Variants in LRRTM3 observed in about 807,000 individuals in gnomAD.
LRRTM3 encodes leucine rich repeat transmembrane neuronal 3.
LRRTM3 carries 24 observed loss-of-function variants against 44.7 expected under a neutral mutation model. That is an observed-to-expected ratio of 0.54 (90% CI 0.39 to 0.76). The LOEUF is 0.76. Among genes scored for constraint, LRRTM3 ranks in the 30% least tolerant of loss-of-function variants. The pLI, the probability that LRRTM3 is intolerant of heterozygous loss-of-function variation, is 0.00. For synonymous variants in LRRTM3, 277 were observed against 278.7 expected (o/e 0.99, Z 0.06); for missense variants, 587 against 702.2 (o/e 0.84, Z 1.85).
chr10:67,079,475 G>T (rs529059706), intron 2 of LRRTM3, among the ~76,000 whole-genome samples: 7 of 152,122 alleles, frequency 4.6e-5, no homozygotes, highest in Non-Finnish European at 1.0e-4. Context: ...AATATCTCCC[G>T]AGGATCAGAG....
intron 2 of LRRTM3, among the ~76,000 whole-genome samples, chr10:67,014,599 TC>T (rs1852542573): frequency 6.6e-6 from 1 of 152,140 alleles, no homozygotes; most frequent in Non-Finnish European, 1.5e-5. Flanking sequence ...CCAAAGACTT[TC>T]TTTAGTAGCT....
intron 2 of LRRTM3, among the ~76,000 whole-genome samples, chr10:66,940,832 C>T (rs550063569): frequency 6.6e-6 from 1 of 152,150 alleles, no homozygotes; most frequent in South Asian, 2.1e-4. Flanking sequence ...CAACTGTACC[C>T]AAGTGCAGAT....
At chr10:66,969,327 C>T (rs1369025233) in intron 2 of LRRTM3, among the ~76,000 whole-genome samples, 3 of 152,050 alleles carry the variant, frequency 2.0e-5, no homozygotes, top group Non-Finnish European at 4.4e-5. Flanking sequence ...ATTTCCATGT[C>T]ATTAAAACTT....
chr10:67,011,163 A>G (rs1852306315), intron 2 of LRRTM3, among the ~76,000 whole-genome samples: 2 of 152,016 alleles, frequency 1.3e-5, no homozygotes, highest in African/African-American at 2.4e-5. Context: ...CCCCGTCTCT[A>G]CTAAAAATAC....
Position 67,000,509 on chromosome 10 carries a change from G to C in LRRTM3, c.1536+72057G>C, listed in dbSNP as rs546937861. ...GGTCTTCCACTTAATTGGGCTTAAGGCCAGTTCAGTAATCACAAAATTACA... is the reference window on the plus strand; with the variant it reads ...GGTCTTCCACTTAATTGGGCTTAAGCCCAGTTCAGTAATCACAAAATTACA... On this transcript the variant is annotated intron_variant, in intron 2 of 2. Coordinates refer to ENST00000361320, the MANE Select transcript of LRRTM3 (RefSeq NM_178011.5). 4.6e-5 allele frequency among the ~76,000 whole-genome samples: 7 copies of C among 152,234 alleles called. No homozygotes were observed. In the South Asian group the frequency reaches 1.5e-3, roughly 32 times the overall value.
At chr10:67,039,642 A>C (rs1854274579) in intron 2 of LRRTM3, among the ~76,000 whole-genome samples, 1 of 152,078 alleles carries the variant, frequency 6.6e-6, no homozygotes, top group African/African-American at 2.4e-5. Flanking sequence ...TAGTAAAGGG[A>C]CCAGAAAAAT....
intron 2 of LRRTM3, among the ~76,000 whole-genome samples, chr10:66,978,688 T>A (rs1850226513): frequency 6.7e-6 from 1 of 149,294 alleles, no homozygotes; most frequent in Non-Finnish European, 1.5e-5. Context: ...CAAATAAAAA[T>A]TAGCAATTCA....
At chr10:67,005,986 T>G (rs1851963938) in intron 2 of LRRTM3, among the ~76,000 whole-genome samples, 1 of 152,020 alleles carries the variant, frequency 6.6e-6, no homozygotes, top group African/African-American at 2.4e-5. Flanking sequence ...GCACCCAACC[T>G]ACTCCATGAT....
At chr10:67,052,128 C>T (rs1046905257) in intron 2 of LRRTM3, among the ~76,000 whole-genome samples, 1 of 152,138 alleles carries the variant, frequency 6.6e-6, no homozygotes, top group African/African-American at 2.4e-5. Flanking sequence ...AAAGAAACCA[C>T]CTTACCTAGT....
At chr10:67,075,906 A>C (rs1856723454) in intron 2 of LRRTM3, among the ~76,000 whole-genome samples, 1 of 152,246 alleles carries the variant, frequency 6.6e-6, no homozygotes. Flanking sequence ...TGGAGCATGG[A>C]AAGAATCCAG....
chr10:66,957,251 C>A (rs376620599), intron 2 of LRRTM3, among the ~76,000 whole-genome samples: 1 of 151,684 alleles, frequency 6.6e-6, no homozygotes, highest in Non-Finnish European at 1.5e-5. Flanking sequence ...GAGATGTAAT[C>A]TTTTATTATC....
In LRRTM3 at chr10:67,069,685, G is replaced by T. The variant is rs575556388; in HGVS notation, c.1537-27902G>T. On this transcript the variant is annotated intron_variant, in intron 2 of 2. Coordinates refer to ENST00000361320, the MANE Select transcript of LRRTM3 (RefSeq NM_178011.5). ...AGTAGAATCACTCAGTATATACTCT[G>T]TTGTGTCTGAATGTTGTGTCTCACT... Among the ~76,000 whole-genome samples, 222 of 151,592 alleles carry T rather than the reference G, an allele frequency of 1.5e-3. 1 individual carries two copies. Among genetic ancestry groups the T allele is most frequent in the African/African-American group, 5.2e-3 (213 of 41,254 alleles).
chr10:66,934,881 A>G (rs1847605988), intron 2 of LRRTM3, among the ~76,000 whole-genome samples: 1 of 152,144 alleles, frequency 6.6e-6, no homozygotes, highest in South Asian at 2.1e-4. Context: ...GTCAGTAAGG[A>G]GGCAATGACT....
intron 2 of LRRTM3, among the ~76,000 whole-genome samples, chr10:67,087,925 T>C (rs1857398842): frequency 6.6e-6 from 1 of 152,036 alleles, no homozygotes; most frequent in Non-Finnish European, 1.5e-5. Context: ...ATATAAGGCA[T>C]GGAGAAATAT....
chr10:67,095,836 C>T lies in LRRTM3; in HGVS notation c.1537-1751C>T, dbSNP rs188122532. 1.1e-3 allele frequency among the ~76,000 whole-genome samples: 168 copies of T among 151,976 alleles called. 1 individual carries two copies. Among genetic ancestry groups the T allele is most frequent in the Admixed American group, 1.6e-3 (24 of 15,234 alleles). On this transcript the variant is annotated intron_variant, in intron 2 of 2. Transcript: ENST00000361320. ...GTTCTATTTTTGTTCTCTTCTATAA[C>T]TCAAATCTATTCATGCTGCACATTT...
At chr10:67,075,270 A>G (rs926541135) in intron 2 of LRRTM3, among the ~76,000 whole-genome samples, 2 of 152,216 alleles carry the variant, frequency 1.3e-5, no homozygotes, top group African/African-American at 2.4e-5. Flanking sequence ...AATTAAAAAA[A>G]AATCAAAGCC....
intron 2 of LRRTM3, among the ~76,000 whole-genome samples, chr10:66,969,334 A>T (rs1161692210): frequency 6.6e-6 from 1 of 152,108 alleles, no homozygotes; most frequent in Non-Finnish European, 1.5e-5. Context: ...TGTCATTAAA[A>T]CTTCTTCAAA....
At chr10:67,018,564 TAGAC>T (rs1244126180) in intron 2 of LRRTM3, among the ~76,000 whole-genome samples, 1 of 152,206 alleles carries the variant, frequency 6.6e-6, no homozygotes, top group Non-Finnish European at 1.5e-5. Context: ...AGAGCAGTAA[TAGAC>T]AGACCTGCTA....
chr10:67,061,608 GT>G (rs1380943778), intron 2 of LRRTM3, among the ~76,000 whole-genome samples: 1 of 152,176 alleles, frequency 6.6e-6, no homozygotes, highest in Non-Finnish European at 1.5e-5. Flanking sequence ...TTGTAGCAAT[GT>G]TTTAGCAGAA....
Sources: allele counts gnomAD v4.1 joint callset (sites outside exome capture counted in the v4.1 genomes callset), GRCh38; gene constraint gnomAD v4.1.1; transcripts MANE v1.5; gene names NCBI Gene and HGNC (gene_info 2026-07-23, HGNC 2026-07-21).